GYG1: variants seen among roughly 807,000 people sequenced by gnomAD.
GYG1 encodes the protein glycogenin 1, also known as glycogenin-1.
In GYG1, 44 loss-of-function variants were observed where a neutral mutation model predicts 41.9. The observed-to-expected ratio is 1.05, with a 90% CI of 0.83 to 1.35. The LOEUF is 1.35. Ranked by LOEUF, GYG1 falls within the 40% of genes most tolerant of loss-of-function variation. The pLI is 0.00. For missense variants in GYG1, 429 were observed against 418.9 expected (o/e 1.02, Z -0.21); for synonymous variants, 141 against 158.1 (o/e 0.89, Z 0.81).
chr3:149,025,460 G>A (rs960853929), intron 6 of GYG1, among the ~76,000 whole-genome samples: 1 of 152,172 alleles, frequency 6.6e-6, no homozygotes, highest in African/African-American at 2.4e-5. Flanking sequence ...GACTACTGCT[G>A]GTCCGTGGCC....
At chr3:148,996,174 T>C in intron 2 of GYG1, 128 bp from the exon 3 acceptor site, 1 of 762,078 alleles carries the variant, frequency 1.3e-6, no homozygotes, top group Non-Finnish European at 2.3e-6. Flanking sequence ...TAAGGGTACA[T>C]ATTCTACCAA....
chr3:148,991,576 C>T lies in GYG1; in HGVS notation c.-65C>T, dbSNP rs566104807. The T allele has an allele frequency of 2.5e-5, 38 of 1,537,972 alleles. No individual in the cohort carries two copies. The highest frequency in any genetic ancestry group is 7.1e-5 in the South Asian group (6 of 84,304). On this transcript the variant is annotated 5_prime_UTR_variant, in exon 1 of 8. Transcript: ENST00000345003. ...CCTCCTCGCTGGCCGCGCTCCCTCC[C>T]GGTGCCGGCTTCTCTGAGTCACCAA...
intron 4 of GYG1, among the ~76,000 whole-genome samples, chr3:149,005,961 T>C (rs568720168): frequency 4.6e-5 from 7 of 152,344 alleles, no homozygotes; most frequent in African/African-American, 1.7e-4. Flanking sequence ...TCTGTGTGTA[T>C]GTGTATATGT....
chr3:149,022,848 C>G (rs906207676), intron 5 of GYG1, among the ~76,000 whole-genome samples: 1 of 151,954 alleles, frequency 6.6e-6, no homozygotes. Context: ...GACCCGTTGC[C>G]TTTTTCAACA....
At chr3:148,993,352 TCTTCTCCAAAGAAA>T (rs1712596036) in intron 1 of GYG1, among the ~76,000 whole-genome samples, 1 of 151,974 alleles carries the variant, frequency 6.6e-6, no homozygotes, top group Non-Finnish European at 1.5e-5. Context: ...ACCTGCACCT[TCTTCTCCAAAGAAA>T]AGCAGGCAGT....
chr3:149,009,284 C>T lies in GYG1; in HGVS notation c.490C>T (p.Gln164Ter). 5 of 1,611,880 alleles carry T rather than the reference C, an allele frequency of 3.1e-6. No homozygotes were observed. The highest frequency in any genetic ancestry group is 4.2e-6 in the Non-Finnish European group (5 of 1,178,164). ...SEQGSFDGGD[Q>*]GILNTFFSSW... ...ATATTTTTTTCTTTTAGGTGGGGAC[C>T]AAGGCATACTGAACACATTTTTTAG... Residue 164 changes from glutamine to a stop codon, truncating the protein, a stop_gained, in exon 5 of 8, where the codon CAA becomes TAA. Coordinates refer to ENST00000345003, the MANE Select transcript of GYG1 (RefSeq NM_004130.4). LOFTEE classifies it high-confidence loss of function.
In GYG1 at chr3:149,030,000, A is replaced by G. The variant is rs1714868194; in HGVS notation, c.*3067A>G. ...AAATAAAGTTAGTTAGGATATGAGG[A>G]CATTATTCTGTTACAGTAATCTTCA... On this transcript the variant is annotated 3_prime_UTR_variant, in exon 8 of 8. Transcript: ENST00000345003. 1 of 152,334 alleles carries G rather than the reference A, an allele frequency of 6.6e-6. No homozygotes were observed. Among genetic ancestry groups the G allele is most frequent in the East Asian group, 1.9e-4 (1 of 5,190 alleles). The allele number at this position is 152,334 out of a possible 1,614,324, so 9.4% of individuals were successfully genotyped here.
At position 149,030,894 on chromosome 3, in the gene GYG1, A is replaced by C. The variant is rs975922; in HGVS notation, c.*3961A>C. On this transcript the variant is annotated 3_prime_UTR_variant, in exon 8 of 8. Coordinates refer to ENST00000345003, the MANE Select transcript of GYG1 (RefSeq NM_004130.4). The stretch of plus-strand genomic sequence containing the variant: ...GGCATATACCTTCAATGTGTGCCCT[A>C]TAACACAACATTGTCTCCGATCTCA... The C allele has an allele frequency of 2.6e-5, 4 of 152,206 alleles. No homozygotes were observed. The highest frequency in any genetic ancestry group is 5.9e-5 in the Non-Finnish European group (4 of 68,024). 9.4% of individuals were successfully genotyped at this position (152,206 alleles called of 1,614,324 possible). A position where few individuals can be genotyped will look rare whatever the true frequency, so the allele number is the denominator to read the frequency against.
In GYG1 at chr3:148,994,187, G is replaced by A. The variant is rs970066155; in HGVS notation, c.53G>A (p.Gly18Asp). The change falls in exon 2 of 8, where the codon GGT becomes GAT. Residue 18 changes from glycine to aspartate, a missense_variant. Gly to Asp is a moderately conservative substitution (Grantham distance 94). Coordinates refer to ENST00000345003, the MANE Select transcript of GYG1 (RefSeq NM_004130.4). ...ACCACAAACGATGCCTACGCCAAAG[G>A]TGCCCTGGTCCTGGGATCATCTCTG... ...TLTTNDAYAKGALVLGSSLKQ... is the reference protein window; with the variant it reads ...TLTTNDAYAKDALVLGSSLKQ... 2 of 1,613,864 alleles carry A rather than the reference G, an allele frequency of 1.2e-6. No homozygotes were observed. Among genetic ancestry groups the A allele is most frequent in the Non-Finnish European group, 1.7e-6 (2 of 1,179,838 alleles).
rs1714531594 is a variant in GYG1 at position 149,024,253 on chromosome 3, CCTG to C, written c.812_814del (p.Cys271del). 1 of 1,603,158 alleles carries C rather than the reference CCTG, an allele frequency of 6.2e-7. No homozygotes were observed. The highest frequency in any genetic ancestry group is 8.5e-7 in the Non-Finnish European group (1 of 1,170,042). ...CAACAATTTGGCCTTGTCAAAGACA[CCTG>C]CTCATATGTAAATGTGGTAGGTTCT... is the stretch of plus-strand genomic sequence containing the variant. On this transcript the variant is annotated inframe_deletion, in exon 6 of 8. Transcript: ENST00000345003.
chr3:149,027,577 T>C lies in GYG1; in HGVS notation c.*644T>C, dbSNP rs1714725836. The C allele has an allele frequency of 1.3e-5, 2 of 152,826 alleles. No homozygotes were observed. The allele number at this position is 152,826 out of a possible 1,614,324, so 9.5% of individuals were successfully genotyped here. A position where few individuals can be genotyped will look rare whatever the true frequency, so the allele number is the denominator to read the frequency against. On this transcript the variant is annotated 3_prime_UTR_variant, in exon 8 of 8. Transcript: ENST00000345003. Reference sequence around the variant, plus strand: ...TATATTTGAAAATAGCAGTGTGTTCTCTGATGGTTACCTGCAGTGGCACCC... The same window carrying C: ...TATATTTGAAAATAGCAGTGTGTTCCCTGATGGTTACCTGCAGTGGCACCC...
At chr3:149,004,201 C>T (rs891378366) in intron 4 of GYG1, among the ~76,000 whole-genome samples, 4 of 152,184 alleles carry the variant, frequency 2.6e-5, no homozygotes, top group Non-Finnish European at 4.4e-5. Context: ...CCTGGTGTAC[C>T]GGATCACAGC....
intron 5 of GYG1, among the ~76,000 whole-genome samples, chr3:149,016,494 G>A (rs542685532): frequency 6.6e-6 from 1 of 152,256 alleles, no homozygotes; most frequent in South Asian, 2.1e-4. Flanking sequence ...GGTCTGTGAA[G>A]AGAGGCCAGC....
rs758027937 is a variant in GYG1 at position 149,028,996 on chromosome 3, C to T, written c.*2063C>T. 2.7e-4 allele frequency among the ~76,000 whole-genome samples: 41 copies of T among 152,136 alleles called. No individual in the cohort carries two copies. Among genetic ancestry groups the T allele is most frequent in the Non-Finnish European group, 4.7e-4 (32 of 68,032 alleles). ...CCTCCCAAAGTGCTGGGATTACAGG[C>T]GTGAGCCACTGCACCCAGCAAATTT... On this transcript the variant is annotated 3_prime_UTR_variant, in exon 8 of 8. Coordinates refer to ENST00000345003, the MANE Select transcript of GYG1 (RefSeq NM_004130.4).
intron 2 of GYG1, among the ~76,000 whole-genome samples, chr3:148,995,017 TA>T (rs1712707722): frequency 6.6e-6 from 1 of 152,136 alleles, no homozygotes; most frequent in East Asian, 1.9e-4. Flanking sequence ...CCGTCTCTAC[TA>T]AAAATACAAA....
rs1320810009 is a variant in GYG1, at chr3:149,009,331, C to A, written c.537C>A (p.Ile179=). ...TTAGCAGCTGGGCAACAACAGATAT[C>A]AGAAAACACCTGCCGTTTATTTATA... ...TFFSSWATTD[I]RKHLPFIYNL... is the part of the protein sequence containing the mutation. Residue 179 remains isoleucine (I), a synonymous_variant, in exon 5 of 8, where the codon ATC becomes ATA. Transcript: ENST00000345003. 2 of 1,612,508 alleles carry A rather than the reference C, an allele frequency of 1.2e-6. No individual in the cohort carries two copies. The highest frequency in any genetic ancestry group is 2.7e-5 in the African/African-American group (2 of 74,882).
At chr3:149,017,563 A>C (rs942858858) in intron 5 of GYG1, among the ~76,000 whole-genome samples, 1 of 33,188 alleles carries the variant, frequency 3.0e-5, no homozygotes, top group South Asian at 9.7e-4. Context: ...GCTTTTATTT[A>C]TTTATTTCTT....
chr3:149,028,471 A>T lies in GYG1; in HGVS notation c.*1538A>T, dbSNP rs181266896. Among the ~76,000 whole-genome samples the T allele has an allele frequency of 2.6e-5, 4 of 152,330 alleles. No homozygotes were observed. Among genetic ancestry groups the T allele is most frequent in the African/African-American group, 9.6e-5 (4 of 41,578 alleles). ...TTATTTAAGTGCCTCCATGTGTCAG[A>T]TGCTGTGGTACAAAGAAGGACTTCT... On this transcript the variant is annotated 3_prime_UTR_variant, in exon 8 of 8. Transcript: ENST00000345003.
At chr3:149,004,400 T>C (rs1284700144) in intron 4 of GYG1, among the ~76,000 whole-genome samples, 1 of 152,248 alleles carries the variant, frequency 6.6e-6, no homozygotes, top group Non-Finnish European at 1.5e-5. Context: ...CTAATACAGA[T>C]GTGCCTAGAT....
Sources: gnomAD v4.1 joint callset for allele counts (sites outside exome capture counted in the v4.1 genomes callset) on GRCh38, gnomAD v4.1.1 for gene constraint, MANE v1.5 for transcripts, NCBI Gene and HGNC (gene_info 2026-07-23, HGNC 2026-07-21) for gene names.